CTNNA3: variants seen among roughly 807,000 people sequenced by gnomAD.
CTNNA3 encodes the protein catenin alpha 3, also known as catenin alpha-3.
In CTNNA3, 76 loss-of-function variants were observed where a neutral mutation model predicts 95.7. That is an observed-to-expected ratio of 0.79 (90% CI 0.66 to 0.96). CTNNA3 has a LOEUF of 0.96. CTNNA3 is among the 40% of genes least tolerant of loss of function. The pLI, the probability that CTNNA3 is intolerant of heterozygous loss-of-function variation, is 0.00. For missense variants in CTNNA3, 1,191 were observed against 1,089.8 expected (o/e 1.09, Z -1.31); for synonymous variants, 431 against 374.4 (o/e 1.15, Z -1.74).
intron 7 of CTNNA3, chr10:67,012,298 A>T (rs995429594): frequency 1.3e-5 from 2 of 152,228 alleles, no homozygotes; most frequent in Non-Finnish European, 2.9e-5. Flanking sequence ...TGAAACCCAG[A>T]GAAAATAGAA....
intron 7 of CTNNA3, among the ~76,000 whole-genome samples, chr10:66,909,181 CT>C (rs1420229310): frequency 6.6e-6 from 1 of 152,088 alleles, no homozygotes; most frequent in Non-Finnish European, 1.5e-5. Context: ...CAAATTGCCC[CT>C]GTACATGTTG....
intron 11 of CTNNA3, among the ~76,000 whole-genome samples, chr10:66,414,201 T>G (rs1313882602): frequency 6.6e-6 from 1 of 152,172 alleles, no homozygotes; most frequent in Non-Finnish European, 1.5e-5. Flanking sequence ...GGTTTTGAAA[T>G]GGGCACCTTG....
In CTNNA3 at chr10:67,545,474, T is replaced by C. The variant is rs1448274868; in HGVS notation, c.293-5805A>G. On this transcript the variant is annotated intron_variant, in intron 3 of 17. Coordinates refer to ENST00000433211, the MANE Select transcript of CTNNA3 (RefSeq NM_013266.4). ...TATAATTATATAGTTTTATTAACTA[T>C]ATAAACCTATCAAATATAAGTGTAA... 3.9e-5 allele frequency among the ~76,000 whole-genome samples: 6 copies of C among 152,164 alleles called. No individual in the cohort carries two copies. In the East Asian group the frequency reaches 9.6e-4, roughly 24 times the overall value.
chr10:66,513,713 T>C (rs1392089852), intron 11 of CTNNA3, among the ~76,000 whole-genome samples: 1 of 152,218 alleles, frequency 6.6e-6, no homozygotes, highest in Non-Finnish European at 1.5e-5. Context: ...CTGGGCATTG[T>C]GTGCAGGCAC....
rs1009997816 is a variant in CTNNA3, at chr10:67,648,249, C to T, written c.-5-731G>A. Among the ~76,000 whole-genome samples, 12 of 152,206 alleles carry T rather than the reference C, an allele frequency of 7.9e-5. No individual in the cohort carries two copies. In the South Asian group the frequency reaches 8.3e-4, roughly 11 times the overall value. ...AACAATATACATTTATACCAAATGA[C>T]CATATGTGGCATGTCATAGTCGGAT... On this transcript the variant is annotated intron_variant, in intron 1 of 17. Coordinates refer to ENST00000433211, the MANE Select transcript of CTNNA3 (RefSeq NM_013266.4).
At chr10:66,595,750 C>A (rs1376001242) in intron 10 of CTNNA3, among the ~76,000 whole-genome samples, 4 of 152,090 alleles carry the variant, frequency 2.6e-5, no homozygotes, top group Non-Finnish European at 4.4e-5. Flanking sequence ...GATCCTCCCC[C>A]CTTAGCCTCT....
intron 12 of CTNNA3, among the ~76,000 whole-genome samples, chr10:66,282,686 AG>A (rs140027651): frequency 0.047 from 7,137 of 151,836 alleles, 294 homozygotes; most frequent in African/African-American, 0.11. Flanking sequence ...GTTCATTTTA[AG>A]TATAATCTTA....
intron 14 of CTNNA3, among the ~76,000 whole-genome samples, chr10:66,086,876 G>A (rs186425773): frequency 6.6e-6 from 1 of 152,210 alleles, no homozygotes; most frequent in Non-Finnish European, 1.5e-5. Context: ...GTTAGTGAGG[G>A]TGAAAGAGTT....
intron 13 of CTNNA3, among the ~76,000 whole-genome samples, chr10:66,255,928 TTGA>T (rs1301988516): frequency 6.6e-6 from 1 of 152,214 alleles, no homozygotes; most frequent in Non-Finnish European, 1.5e-5. Flanking sequence ...TATTAACTAG[TTGA>T]TGTTCCCGCG....
At chr10:67,219,954 T>C in intron 5 of CTNNA3, 84 bp from the exon 6 acceptor site, 1 of 1,133,334 alleles carries the variant, frequency 8.8e-7, no homozygotes, top group Admixed American at 2.4e-5. Flanking sequence ...TTTTTGTAAG[T>C]ATAAATGAAA....
intron 7 of CTNNA3, among the ~76,000 whole-genome samples, chr10:67,105,019 T>C (rs555164163): frequency 1.3e-5 from 2 of 152,068 alleles, no homozygotes; most frequent in Admixed American, 6.6e-5. Context: ...GTTGAAGATG[T>C]GGTAAAAAAC....
intron 5 of CTNNA3, among the ~76,000 whole-genome samples, chr10:67,358,118 A>T (rs1842879695): frequency 6.6e-6 from 1 of 152,180 alleles, no homozygotes; most frequent in Non-Finnish European, 1.5e-5. Flanking sequence ...CTCATGATAC[A>T]CAAAAATTAA....
intron 5 of CTNNA3, among the ~76,000 whole-genome samples, chr10:67,495,584 A>G (rs1378434914): frequency 6.6e-6 from 1 of 152,122 alleles, no homozygotes; most frequent in Admixed American, 6.5e-5. Context: ...AGTTTATTCT[A>G]TTCCTATCCA....
At chr10:66,722,842 G>A (rs1248237666) in intron 9 of CTNNA3, among the ~76,000 whole-genome samples, 1 of 152,088 alleles carries the variant, frequency 6.6e-6, no homozygotes, top group African/African-American at 2.4e-5. Flanking sequence ...GGCGGGGGAA[G>A]TGTGGCTCTT....
At chr10:66,566,654 G>A (rs1230382811) in intron 10 of CTNNA3, among the ~76,000 whole-genome samples, 1 of 152,012 alleles carries the variant, frequency 6.6e-6, no homozygotes, top group Non-Finnish European at 1.5e-5. Flanking sequence ...TCCCATCGCT[G>A]TCTCCTTGTC....
intron 1 of CTNNA3, among the ~76,000 whole-genome samples, chr10:67,742,283 G>C (rs1841344731): frequency 6.6e-6 from 1 of 151,178 alleles, no homozygotes; most frequent in Non-Finnish European, 1.5e-5. Flanking sequence ...TAAAAGAACA[G>C]AAATTATAAC....
At chr10:67,099,780 A>C (rs1330482488) in intron 7 of CTNNA3, 2 of 152,012 alleles carry the variant, frequency 1.3e-5, no homozygotes, top group African/African-American at 2.4e-5. Context: ...CTCTTCAAAA[A>C]TTTTTGTCAT....
intron 5 of CTNNA3, among the ~76,000 whole-genome samples, chr10:67,475,004 T>A (rs978444397): frequency 3.3e-5 from 5 of 152,104 alleles, no homozygotes; most frequent in Admixed American, 6.5e-5. Flanking sequence ...TTCATCATAA[T>A]CAAAAATTGC....
intron 5 of CTNNA3, among the ~76,000 whole-genome samples, chr10:67,252,621 C>G (rs575728986): frequency 5.9e-5 from 9 of 152,166 alleles, no homozygotes; most frequent in African/African-American, 2.2e-4. Flanking sequence ...TATACGATGC[C>G]CACAGGATGA....
Sources: gnomAD v4.1 joint callset for allele counts (sites outside exome capture counted in the v4.1 genomes callset) on GRCh38, gnomAD v4.1.1 for gene constraint, MANE v1.5 for transcripts, NCBI Gene and HGNC (gene_info 2026-07-23, HGNC 2026-07-21) for gene names.